The following HAPSTR1 variants were observed in gnomAD, a reference collection of about 807,000 sequenced individuals.
HAPSTR1 encodes HUWE1 associated protein modifying stress responses.
At chr16:9,102,931 A>G in the HAPSTR1 span, 1 of 1,566,720 alleles carries the variant, frequency 6.4e-7, no homozygotes, top group Admixed American at 1.8e-5. Context: ...TTAGAAGGGA[A>G]TACGGGCTCT....
chr16:9,098,355 C>T, the HAPSTR1 span, among the ~76,000 whole-genome samples: 1 of 152,094 alleles, frequency 6.6e-6, no homozygotes, highest in African/African-American at 2.4e-5. Context: ...AAATATTATC[C>T]CCCTGGTTCC....
the HAPSTR1 span, among the ~76,000 whole-genome samples, chr16:9,094,012 A>G: frequency 2.0e-5 from 3 of 152,158 alleles, no homozygotes; most frequent in African/African-American, 7.2e-5. Context: ...TTTAGGCCAT[A>G]TATAGGTTGA....
the HAPSTR1 span, chr16:9,103,173 T>G: frequency 1.9e-6 from 3 of 1,614,156 alleles, no homozygotes; most frequent in African/African-American, 2.7e-5. Flanking sequence ...CTGACTGTAG[T>G]GTCCCCTAAC....
At chr16:9,098,016 GCAA>G in the HAPSTR1 span, among the ~76,000 whole-genome samples, 3 of 152,192 alleles carry the variant, frequency 2.0e-5, no homozygotes, top group Non-Finnish European at 1.5e-5. Flanking sequence ...TGCCAGGCAG[GCAA>G]CAAACAGTGG....
At chr16:9,103,360 T>C in the HAPSTR1 span, 2 of 1,265,226 alleles carry the variant, frequency 1.6e-6, no homozygotes, top group East Asian at 5.0e-5. Flanking sequence ...CTGTTTTTTG[T>C]CTTACAGTAA....
At chr16:9,096,033 T>G in the HAPSTR1 span, among the ~76,000 whole-genome samples, 1 of 152,252 alleles carries the variant, frequency 6.6e-6, no homozygotes, top group Non-Finnish European at 1.5e-5. Flanking sequence ...GTTTACCCAG[T>G]GTCATTGTGA....
At chr16:9,104,787 A>G in the HAPSTR1 span, 2 of 152,214 alleles carry the variant, frequency 1.3e-5, no homozygotes, top group East Asian at 3.8e-4. Flanking sequence ...AGAGTTTCAC[A>G]TCTTTCCCCC....
the HAPSTR1 span, chr16:9,108,943 G>A: frequency 6.6e-6 from 1 of 152,102 alleles, no homozygotes; most frequent in Non-Finnish European, 1.5e-5. Flanking sequence ...TTCCAGGTCC[G>A]GTGGGTACCC....
chr16:9,103,054 T>C, the HAPSTR1 span: 3 of 1,614,046 alleles, frequency 1.9e-6, no homozygotes, highest in South Asian at 2.2e-5. Context: ...GCAATAAGGA[T>C]GTGTTGGCTT....
At chr16:9,103,306 G>T in the HAPSTR1 span, 1 of 1,575,310 alleles carries the variant, frequency 6.3e-7, no homozygotes, top group Non-Finnish European at 8.6e-7. Context: ...TTAAGAGGGT[G>T]CCTGTGGACC....
chr16:9,115,399 G>T, the HAPSTR1 span, among the ~76,000 whole-genome samples: 1 of 152,176 alleles, frequency 6.6e-6, no homozygotes, highest in Non-Finnish European at 1.5e-5. Context: ...GGTGAGGAGA[G>T]AATAGTGGAA....
At chr16:9,102,707 TAA>T in the HAPSTR1 span, among the ~76,000 whole-genome samples, 1 of 152,222 alleles carries the variant, frequency 6.6e-6, no homozygotes, top group Non-Finnish European at 1.5e-5. Context: ...GTAATTTCAT[TAA>T]AGATACCTAA....
the HAPSTR1 span, among the ~76,000 whole-genome samples, chr16:9,092,513 G>A: frequency 6.6e-6 from 1 of 152,160 alleles, no homozygotes; most frequent in African/African-American, 2.4e-5. Context: ...TGGTCCGAGG[G>A]TCCCCGCTCT....
the HAPSTR1 span, among the ~76,000 whole-genome samples, chr16:9,102,066 C>T: frequency 2.0e-5 from 3 of 152,118 alleles, no homozygotes; most frequent in Admixed American, 1.3e-4. Flanking sequence ...GAGCTGAGAT[C>T]GAGCCATCGC....
At chr16:9,099,682 C>T in the HAPSTR1 span, among the ~76,000 whole-genome samples, 1 of 152,146 alleles carries the variant, frequency 6.6e-6, no homozygotes, top group Non-Finnish European at 1.5e-5. Flanking sequence ...GGGATAGGTA[C>T]CCGAAAGTCC....
At chr16:9,105,800 A>G in the HAPSTR1 span, 14 of 152,344 alleles carry the variant, frequency 9.2e-5, no homozygotes, top group East Asian at 2.7e-3. Flanking sequence ...GCACAAGGAC[A>G]TGGGAAAAGA....
the HAPSTR1 span, chr16:9,091,864 G>T: frequency 2.3e-6 from 1 of 436,090 alleles, no homozygotes; most frequent in Non-Finnish European, 3.8e-6. Context: ...CTGGTTGCAC[G>T]GGGCCGCGGG....
At chr16:9,097,776 C>G in the HAPSTR1 span, among the ~76,000 whole-genome samples, 3 of 152,188 alleles carry the variant, frequency 2.0e-5, no homozygotes, top group Non-Finnish European at 4.4e-5. Flanking sequence ...CATCTTAGAG[C>G]CACTCAGTAA....
At chr16:9,118,915 T>C in the HAPSTR1 span, 148 of 152,778 alleles carry the variant, frequency 9.7e-4, 1 homozygote, top group African/African-American at 3.4e-3. Context: ...GGTTGTTTTG[T>C]TTAAGTTGGT....
Sources: allele counts gnomAD v4.1 joint callset (sites outside exome capture counted in the v4.1 genomes callset), GRCh38; gene constraint gnomAD v4.1.1; transcripts MANE v1.5; gene names NCBI Gene and HGNC (gene_info 2026-07-23, HGNC 2026-07-21).